The following CACNA2D3 variants were observed in gnomAD, a reference collection of about 807,000 sequenced individuals.
CACNA2D3 encodes voltage-dependent calcium channel subunit alpha-2/delta-3.
Under a neutral mutation model 160.6 loss-of-function variants are expected in CACNA2D3, and 60 were observed. That is an observed-to-expected ratio of 0.37 (90% CI 0.30 to 0.46). CACNA2D3 has a LOEUF of 0.46. Ranked by LOEUF, CACNA2D3 falls within the 20% of genes least tolerant of loss-of-function variation. The pLI, the probability that CACNA2D3 is intolerant of heterozygous loss-of-function variation, is 1.00. For missense variants in CACNA2D3, 1,205 were observed against 1,365.0 expected, an observed-to-expected ratio of 0.88 and a Z score of 1.85; for synonymous variants, 558 against 492.9, an observed-to-expected ratio of 1.13 and a Z score of -1.75.
chr3:54,459,856 G>A (rs548048313), intron 4 of CACNA2D3, among the ~76,000 whole-genome samples: 2 of 152,310 alleles, frequency 1.3e-5, no homozygotes, highest in African/African-American at 4.8e-5. Context: ...CCATGCCTAT[G>A]TCCTGAATGG....
At chr3:54,781,529 A>G (rs901880600) in intron 13 of CACNA2D3, among the ~76,000 whole-genome samples, 5 of 152,244 alleles carry the variant, frequency 3.3e-5, no homozygotes, top group African/African-American at 1.2e-4. Context: ...TTCATTGACA[A>G]AAGACATCTA....
intron 4 of CACNA2D3, among the ~76,000 whole-genome samples, chr3:54,498,395 T>C (rs868576222): frequency 5.3e-5 from 8 of 152,020 alleles, no homozygotes; most frequent in African/African-American, 7.2e-5. Flanking sequence ...TATTCCCTTA[T>C]CCTTTCATTA....
chr3:54,338,466 CCTGTGTGT>C (rs1559454114), intron 3 of CACNA2D3, among the ~76,000 whole-genome samples: 2 of 98,974 alleles, frequency 2.0e-5, no homozygotes, highest in African/African-American at 7.5e-5. Flanking sequence ...ATCTCCCCTC[CCTGTGTGT>C]GTGTGTGTGT....
intron 27 of CACNA2D3, among the ~76,000 whole-genome samples, chr3:54,964,272 T>C (rs1298563926): frequency 6.6e-6 from 1 of 152,162 alleles, no homozygotes; most frequent in African/African-American, 2.4e-5. Flanking sequence ...TCTCTATCCA[T>C]GTGATGAAGA....
chr3:54,919,243 G>A (rs991425825), intron 27 of CACNA2D3, among the ~76,000 whole-genome samples: 5 of 152,218 alleles, frequency 3.3e-5, no homozygotes, highest in African/African-American at 4.8e-5. Context: ...TTCGTGCCAC[G>A]CATGGTCCTA....
rs1419133458 is a variant in CACNA2D3 at position 55,005,145 on chromosome 3, G to A, written c.2766+307G>A. Reference sequence around the variant, plus strand: ...ACAAAAATTAGCCAGGCGTGGTGGCGTGTGCCTATAATCCCAGCTACTCGG... The same window carrying A: ...ACAAAAATTAGCCAGGCGTGGTGGCATGTGCCTATAATCCCAGCTACTCGG... On this transcript the variant is annotated intron_variant, in intron 32 of 37. Transcript: ENST00000474759. Among the ~76,000 whole-genome samples, 5 of 152,132 alleles carry A rather than the reference G, an allele frequency of 3.3e-5. No individual in the cohort carries two copies. In the East Asian group the frequency reaches 5.8e-4, roughly 18 times the overall value.
At chr3:54,517,434 G>A (rs891594492) in intron 5 of CACNA2D3, among the ~76,000 whole-genome samples, 6 of 152,172 alleles carry the variant, frequency 3.9e-5, no homozygotes, top group Non-Finnish European at 7.3e-5. Context: ...GAAACGATGT[G>A]TGTGATTGGT....
At chr3:55,066,511 G>A (rs1704638725) in intron 35 of CACNA2D3, among the ~76,000 whole-genome samples, 1 of 152,134 alleles carries the variant, frequency 6.6e-6, no homozygotes, top group African/African-American at 2.4e-5. Flanking sequence ...CATCCCGCGT[G>A]CTTGTTTGGA....
At chr3:54,656,429 A>G (rs539673791) in intron 11 of CACNA2D3, among the ~76,000 whole-genome samples, 17 of 152,324 alleles carry the variant, frequency 1.1e-4, no homozygotes, top group Middle Eastern at 3.4e-3. Context: ...GGTCTCTGGC[A>G]GTCAGAAACT....
chr3:54,260,645 A>G (rs1702385959), intron 2 of CACNA2D3, among the ~76,000 whole-genome samples: 1 of 152,218 alleles, frequency 6.6e-6, no homozygotes, highest in African/African-American at 2.4e-5. Flanking sequence ...TTAAATCATA[A>G]CAGTCTCCTT....
At chr3:54,798,017 C>T (rs1208824030) in intron 13 of CACNA2D3, among the ~76,000 whole-genome samples, 1 of 152,124 alleles carries the variant, frequency 6.6e-6, no homozygotes, top group Non-Finnish European at 1.5e-5. Flanking sequence ...GATAGGTGCC[C>T]CTCTCCAACT....
At chr3:54,959,932 A>G (rs1413989721) in intron 27 of CACNA2D3, among the ~76,000 whole-genome samples, 1 of 152,198 alleles carries the variant, frequency 6.6e-6, no homozygotes, top group Non-Finnish European at 1.5e-5. Context: ...GGTGAAAAGA[A>G]AATTATTATT....
chr3:54,363,918 T>C (rs1050754559), intron 3 of CACNA2D3, among the ~76,000 whole-genome samples: 2 of 152,210 alleles, frequency 1.3e-5, no homozygotes, highest in Non-Finnish European at 2.9e-5. Context: ...CCATCACCGA[T>C]GGCTGCCCTT....
intron 27 of CACNA2D3, among the ~76,000 whole-genome samples, chr3:54,904,217 T>C (rs1386398377): frequency 6.6e-6 from 1 of 152,196 alleles, no homozygotes. Flanking sequence ...TTTTATAAAT[T>C]ACGCTGATCG....
intron 2 of CACNA2D3, among the ~76,000 whole-genome samples, chr3:54,147,298 A>G (rs1700050238): frequency 6.6e-6 from 1 of 152,232 alleles, no homozygotes; most frequent in Non-Finnish European, 1.5e-5. Flanking sequence ...TGAGTGTCTA[A>G]GGCCGTCAGC....
chr3:54,869,261 A>G (rs920991828), intron 17 of CACNA2D3, among the ~76,000 whole-genome samples: 7 of 152,246 alleles, frequency 4.6e-5, no homozygotes, highest in African/African-American at 1.4e-4. Context: ...GTCCTCTACC[A>G]TACAAGCTAT....
intron 27 of CACNA2D3, among the ~76,000 whole-genome samples, chr3:54,900,984 CT>C (rs2106890655): frequency 6.6e-6 from 1 of 152,308 alleles, no homozygotes; most frequent in African/African-American, 2.4e-5. Context: ...TGTGGCTCAT[CT>C]TGAACTAAGC....
At chr3:54,995,770 A>G (rs1408671561) in intron 31 of CACNA2D3, among the ~76,000 whole-genome samples, 2 of 152,254 alleles carry the variant, frequency 1.3e-5, no homozygotes, top group African/African-American at 4.8e-5. Context: ...AGAAGAGGAG[A>G]ATAGTTATTG....
intron 27 of CACNA2D3, among the ~76,000 whole-genome samples, chr3:54,949,153 C>T (rs1180633401): frequency 6.6e-6 from 1 of 152,174 alleles, no homozygotes; most frequent in Admixed American, 6.5e-5. Flanking sequence ...AGTTTCAGTT[C>T]AATGTCCTGG....
Sources: gnomAD v4.1 joint callset for allele counts (sites outside exome capture counted in the v4.1 genomes callset) on GRCh38, gnomAD v4.1.1 for gene constraint, MANE v1.5 for transcripts, NCBI Gene and HGNC (gene_info 2026-07-23, HGNC 2026-07-21) for gene names.